The following TACC2 variants were observed in gnomAD, a reference collection of about 807,000 sequenced individuals.
TACC2 encodes the protein transforming acidic coiled-coil-containing protein 2.
Under a neutral mutation model 227.3 loss-of-function variants are expected in TACC2, and 137 were observed. The observed-to-expected ratio is 0.60, with a 90% CI of 0.52 to 0.69. The LOEUF is 0.69. TACC2 is among the 30% of genes least tolerant of loss of function. TACC2 has a pLI of 0.00. For missense variants in TACC2, 3,470 were observed against 3,694.4 expected (o/e 0.94, Z 1.57); for synonymous variants, 1,523 against 1,487.5 (o/e 1.02, Z -0.55).
In TACC2 at chr10:122,170,878, G is replaced by C. The variant is rs561600728; in HGVS notation, c.5835-24162G>C. ...GCACACTCCATCCACTCCCCTCAGC[G>C]GGCATCTTCTGCTCCGTCCCTTGGC... On this transcript the variant is annotated intron_variant, in intron 7 of 22. Transcript: ENST00000369005. 3.3e-5 allele frequency among the ~76,000 whole-genome samples: 5 copies of C among 152,172 alleles called. No homozygotes were observed. The East Asian group carries it at 7.7e-4, about 24-fold the overall frequency.
At chr10:121,993,216 T>A (rs1470221425) in intron 1 of TACC2, among the ~76,000 whole-genome samples, 3 of 152,206 alleles carry the variant, frequency 2.0e-5, no homozygotes, top group African/African-American at 7.2e-5. Context: ...ATTTTAGTTA[T>A]TATAAAACTC....
rs532524943 is a variant in TACC2, at chr10:122,105,787, A to AT, written c.5573+17205dup. On this transcript the variant is annotated intron_variant, in intron 5 of 22. Coordinates refer to ENST00000369005, the MANE Select transcript of TACC2 (RefSeq NM_206862.4). ...AGGTGCCCACCACCACACCTGGCTAATTTTTTTTTATTTTTAGTAGAGATG... is the reference window on the plus strand; with the variant it reads ...AGGTGCCCACCACCACACCTGGCTAATTTTTTTTTTATTTTTAGTAGAGATG... Among the ~76,000 whole-genome samples, 338 of 148,570 alleles carry AT rather than the reference A, an allele frequency of 2.3e-3. 6 individuals are homozygous for AT. The highest frequency in any genetic ancestry group is 0.02 in the Admixed American group (304 of 14,886).
At chr10:122,020,618 T>C (rs533935088) in intron 1 of TACC2, among the ~76,000 whole-genome samples, 52 of 152,304 alleles carry the variant, frequency 3.4e-4, no homozygotes, top group African/African-American at 1.2e-3. Context: ...CATATTTCCA[T>C]GAAGAAATCT....
chr10:122,017,885 TG>T (rs1356039312), intron 1 of TACC2, among the ~76,000 whole-genome samples: 3 of 148,766 alleles, frequency 2.0e-5, no homozygotes, highest in Non-Finnish European at 4.4e-5. Context: ...GTGGTTTTTT[TG>T]AGGGGGAAGA....
Position 122,022,088 on chromosome 10 carries a change from G to A in TACC2, c.33+74G>A, listed in dbSNP as rs368462483. ...ACCTTGACTAGGTTCTTTTTACAGC[G>A]TCTCATCTTCACCCAGGAAGGAGCA... is the stretch of plus-strand genomic sequence containing the variant. On this transcript the variant is annotated intron_variant, in intron 2 of 22. Transcript: ENST00000369005. The A allele has an allele frequency of 1.4e-4, 208 of 1,485,132 alleles. 6 individuals are homozygous for A. The South Asian group carries it at 2.2e-3, about 16-fold the overall frequency. The allele number at this position is 1,485,132 out of a possible 1,614,324, so 92.0% of individuals were successfully genotyped here.
rs2095714089 is a variant in TACC2 at position 122,230,396 on chromosome 10, GC to G, written c.8085del (p.Arg2696GlyfsTer64). On this transcript the variant is annotated frameshift_variant, in exon 16 of 23. Transcript: ENST00000369005. LOFTEE classifies it high-confidence loss of function. ...AIMRIEALKL[A>X]RQIALASRSH... ...CATGCGGATAGAAGCCCTGAAGCTG[GC>G]CAGGCAGATTGCTTTGGCTTCCCGC... 1 of 1,614,210 alleles carries G rather than the reference GC, an allele frequency of 6.2e-7. No homozygotes were observed. The highest frequency in any genetic ancestry group is 1.1e-5 in the South Asian group (1 of 91,092).
chr10:122,182,971 AG>A (rs1286426220), intron 7 of TACC2, among the ~76,000 whole-genome samples: 1 of 152,116 alleles, frequency 6.6e-6, no homozygotes, highest in Admixed American at 6.5e-5. Flanking sequence ...TCGGAGGCCA[AG>A]GTGGGTGGAT....
At chr10:122,226,027 T>C (rs2095621202) in intron 12 of TACC2, among the ~76,000 whole-genome samples, 1 of 152,222 alleles carries the variant, frequency 6.6e-6, no homozygotes, top group South Asian at 2.1e-4. Context: ...TCTCTGTTTA[T>C]CTGCAGTGGC....
chr10:122,045,131 G>C (rs2074823041), intron 2 of TACC2, among the ~76,000 whole-genome samples: 2 of 152,106 alleles, frequency 1.3e-5, no homozygotes, highest in African/African-American at 4.8e-5. Flanking sequence ...TTGCAGACAT[G>C]GCCACCAGAC....
chr10:122,203,616 C>T (rs577659687), intron 8 of TACC2, among the ~76,000 whole-genome samples: 1 of 151,540 alleles, frequency 6.6e-6, no homozygotes. Flanking sequence ...CGGGCAGAGA[C>T]GCTCCTCACT....
At chr10:122,156,682 T>G (rs925833501) in intron 7 of TACC2, among the ~76,000 whole-genome samples, 3 of 152,218 alleles carry the variant, frequency 2.0e-5, no homozygotes, top group Non-Finnish European at 1.5e-5. Flanking sequence ...TCTTACAGCT[T>G]TGGGGTAGGT....
chr10:122,053,960 A>G (rs1223894548), intron 3 of TACC2, among the ~76,000 whole-genome samples: 1 of 152,216 alleles, frequency 6.6e-6, no homozygotes, highest in Non-Finnish European at 1.5e-5. Flanking sequence ...GCGAGGGAAG[A>G]ATATAGGCAG....
intron 1 of TACC2, among the ~76,000 whole-genome samples, chr10:122,012,728 G>GA (rs34521336): frequency 0.46 from 69,366 of 151,846 alleles, 16,001 homozygotes; most frequent in South Asian, 0.62. Context: ...AAATTTGGAA[G>GA]ATTAGAGGAG....
intron 2 of TACC2, among the ~76,000 whole-genome samples, chr10:122,026,313 C>CAAAA (rs71022883): frequency 0.19 from 13,302 of 71,002 alleles, 1,732 homozygotes; most frequent in East Asian, 0.32. Flanking sequence ...GACTCTGTCT[C>CAAAA]AAAAAAAAAA....
intron 21 of TACC2, among the ~76,000 whole-genome samples, 181 bp from the exon 22 acceptor site, chr10:122,249,363 G>A (rs1372665244): frequency 3.9e-5 from 6 of 152,188 alleles, no homozygotes; most frequent in African/African-American, 7.2e-5. Flanking sequence ...AGGGTGCCCC[G>A]GCACCTTGGT....
intron 1 of TACC2, among the ~76,000 whole-genome samples, chr10:122,015,623 G>T (rs180890495): frequency 6.6e-6 from 1 of 151,892 alleles, no homozygotes; most frequent in Non-Finnish European, 1.5e-5. Context: ...AGGTTGAGGT[G>T]GGCGGATCAC....
chr10:122,148,528 A>G (rs1397670177), intron 7 of TACC2, among the ~76,000 whole-genome samples: 2 of 152,224 alleles, frequency 1.3e-5, no homozygotes, highest in African/African-American at 4.8e-5. Context: ...ATGCGCAGGC[A>G]GCTGCAGTGC....
intron 8 of TACC2, among the ~76,000 whole-genome samples, chr10:122,204,510 C>T (rs1351010763): frequency 1.3e-5 from 2 of 152,132 alleles, no homozygotes; most frequent in Non-Finnish European, 2.9e-5. Context: ...TGGCTGACAC[C>T]AGAGAAGTGA....
At chr10:122,037,488 G>A (rs945339563) in intron 2 of TACC2, among the ~76,000 whole-genome samples, 4 of 152,210 alleles carry the variant, frequency 2.6e-5, no homozygotes, top group African/African-American at 7.2e-5. Context: ...GGGCTCAGCG[G>A]ACTTGAGACT....
Sources: allele counts gnomAD v4.1 joint callset (sites outside exome capture counted in the v4.1 genomes callset), GRCh38; gene constraint gnomAD v4.1.1; transcripts MANE v1.5; gene names NCBI Gene and HGNC (gene_info 2026-07-23, HGNC 2026-07-21).